FAT1: variants seen among roughly 807,000 people sequenced by gnomAD.
The protein encoded by FAT1 is FAT atypical cadherin 1.
FAT1 carries 171 observed loss-of-function variants against 329.8 expected under a neutral mutation model. The ratio of observed to expected loss-of-function variants is 0.52; its 90% CI spans 0.46 to 0.59. The LOEUF is 0.59. Ranked by LOEUF, FAT1 falls within the 20% of genes least tolerant of loss-of-function variation. The pLI, the probability that FAT1 is intolerant of heterozygous loss-of-function variation, is 0.00. For synonymous variants in FAT1, 2,233 were observed against 2,228.6 expected (o/e 1.00, Z -0.06); for missense variants, 5,672 against 5,774.4 (o/e 0.98, Z 0.57).
At chr4:186,689,860 T>C (rs886144400) in intron 2 of FAT1, among the ~76,000 whole-genome samples, 1 of 152,164 alleles carries the variant, frequency 6.6e-6, no homozygotes, top group African/African-American at 2.4e-5. Context: ...GATCTCTTAA[T>C]ATCCAGAGGA....
At position 186,706,672 on chromosome 4, in the gene FAT1, C is replaced by A. The variant is rs1028501003; in HGVS notation, c.3156G>T (p.Leu1052Phe). Residue 1052 changes from leucine to phenylalanine, a missense_variant, in exon 2 of 27, where the codon TTG becomes TTT. By Grantham distance (22) the Leu-to-Phe change is conservative. Around this residue, in one of 2 missense-constraint regions of FAT1, gnomAD observed 3,966 missense variants for 3,915.2 expected, o/e 1.01. Coordinates refer to ENST00000441802, the MANE Select transcript of FAT1 (RefSeq NM_005245.4). ...CATCATGAGCCGACACCGTCATTAC[C>A]AATGAACCAACAGGTGCATCTTCTT... ...TVKEDAPVGSLVMTVSAHDED... is the reference protein window; with the variant it reads ...TVKEDAPVGSFVMTVSAHDED... 1.2e-6 allele frequency: 2 copies of A among 1,614,002 alleles called. No individual in the cohort carries two copies. The highest frequency in any genetic ancestry group is 1.7e-5 in the Admixed American group (1 of 60,022).
chr4:186,599,550 A>T (rs1738694585), intron 22 of FAT1, among the ~76,000 whole-genome samples: 2 of 152,298 alleles, frequency 1.3e-5, no homozygotes, highest in South Asian at 4.1e-4. Context: ...AAGGTGATAC[A>T]AATAACAAAG....
intron 2 of FAT1, among the ~76,000 whole-genome samples, chr4:186,702,034 G>A (rs749859223): frequency 1.3e-5 from 2 of 150,706 alleles, no homozygotes; most frequent in East Asian, 2.0e-4. Context: ...GCCAGGAGCC[G>A]ACCCCCACAC....
chr4:186,704,965 G>C (rs1053993785), intron 2 of FAT1, among the ~76,000 whole-genome samples: 4 of 42,796 alleles, frequency 9.3e-5, no homozygotes, highest in African/African-American at 5.2e-4. Flanking sequence ...TTTTTTTTTT[G>C]AGATAGTCTG....
chr4:186,723,746 T>A lies in FAT1; in HGVS notation c.-101A>T, dbSNP rs1331896423. On this transcript the variant is annotated 5_prime_UTR_variant, in exon 1 of 27. Transcript: ENST00000441802. ...CGCGCCCCCGAGCAGGGACCGGGCC[T>A]GCCGGGGCCCTCGCCGGGCTCGCGC... 5 of 150,710 alleles carry A rather than the reference T, an allele frequency of 3.3e-5. No individual in the cohort carries two copies. The highest frequency in any genetic ancestry group is 7.4e-5 in the Non-Finnish European group (5 of 67,666). The allele number at this position is 150,710 out of a possible 1,614,324, so 9.3% of individuals were successfully genotyped here.
At chr4:186,713,402 C>T (rs1025118004) in intron 1 of FAT1, among the ~76,000 whole-genome samples, 1 of 152,066 alleles carries the variant, frequency 6.6e-6, no homozygotes, top group African/African-American at 2.4e-5. Context: ...GAGGTAGAGT[C>T]GTTTCCACCA....
intron 25 of FAT1, 97 bp from the exon 26 acceptor site, chr4:186,595,923 T>G: frequency 8.0e-7 from 1 of 1,254,902 alleles, no homozygotes; most frequent in Non-Finnish European, 1.1e-6. Flanking sequence ...AACGATGGCC[T>G]GAGATTTACT....
chr4:186,708,928 GAGA>G lies in FAT1; in HGVS notation c.897_899del (p.Leu300del), dbSNP rs1561011063. ...AGGACCTCACTGTTCTAAACTGCTGGAGAAGGTCACCTGCCACGATGCTTAAAG... is the reference window on the plus strand; with the variant it reads ...AGGACCTCACTGTTCTAAACTGCTGGAGGTCACCTGCCACGATGCTTAAAG... On this transcript the variant is annotated inframe_deletion, in exon 2 of 27. Transcript: ENST00000441802. 6.2e-7 allele frequency: 1 copy of G among 1,613,942 alleles called. No individual in the cohort carries two copies. Among genetic ancestry groups the G allele is most frequent in the Non-Finnish European group, 8.5e-7 (1 of 1,179,882 alleles).
At chr4:186,642,645 A>AATGGGTGGCTACGTGCTGCG (rs1741157222) in intron 3 of FAT1, among the ~76,000 whole-genome samples, 1 of 147,956 alleles carries the variant, frequency 6.8e-6, no homozygotes, top group Non-Finnish European at 1.5e-5. Flanking sequence ...TAGGTGCTGC[A>AATGGGTGGCTACGTGCTGCG]ATGGGTGGCT....
At position 186,707,298 on chromosome 4, in the gene FAT1, C is replaced by A. The variant is rs745890477; in HGVS notation, c.2530G>T (p.Val844Phe). 41 of 1,613,832 alleles carry A rather than the reference C, an allele frequency of 2.5e-5. No homozygotes were observed. Among genetic ancestry groups the A allele is most frequent in the Non-Finnish European group, 3.3e-5 (39 of 1,179,896 alleles). ...DKEVHSEIIQ[V>F]EATDKDLGPN... ...CCCAGGTCTTTATCTGTGGCTTCAA[C>A]CTGGATGATTTCACTATGTACCTCC... Residue 844 changes from valine (V) to phenylalanine (F), a missense_variant, in exon 2 of 27, where the codon GTT becomes TTT. Val to Phe is a conservative substitution (Grantham distance 50). Around this residue, in one of 2 missense-constraint regions of FAT1, gnomAD observed 3,966 missense variants for 3,915.2 expected, o/e 1.01. Coordinates refer to ENST00000441802, the MANE Select transcript of FAT1 (RefSeq NM_005245.4).
intron 2 of FAT1, among the ~76,000 whole-genome samples, chr4:186,697,879 G>A (rs557548322): frequency 9.9e-5 from 15 of 152,230 alleles, no homozygotes; most frequent in Non-Finnish European, 1.9e-4. Context: ...CCAAGAAGAC[G>A]GTCAGTGCAT....
At position 186,599,886 on chromosome 4, in the gene FAT1, T is replaced by C. The variant is rs1437246487; in HGVS notation, c.12103+12A>G. 2 of 1,600,522 alleles carry C rather than the reference T, an allele frequency of 1.2e-6. No individual in the cohort carries two copies. Among genetic ancestry groups the C allele is most frequent in the South Asian group, 1.1e-5 (1 of 90,196 alleles). ...TGCAGCATTTTAAAGATGGCAACAT[T>C]ACGGAGCCCACCTCCAGCAGGTGAC... On this transcript the variant is annotated intron_variant, in intron 22 of 26. Transcript: ENST00000441802.
intron 2 of FAT1, among the ~76,000 whole-genome samples, chr4:186,691,048 T>C (rs1299355601): frequency 1.3e-5 from 2 of 152,230 alleles, no homozygotes; most frequent in Non-Finnish European, 2.9e-5. Flanking sequence ...TGACCTGTTA[T>C]ACTAATTCAT....
In FAT1 at chr4:186,628,483, C is replaced by T. The variant is rs1196267393; in HGVS notation, c.4599+5G>A. The T allele has an allele frequency of 1.9e-6, 3 of 1,613,886 alleles. No individual in the cohort carries two copies. Among genetic ancestry groups the T allele is most frequent in the Non-Finnish European group, 2.5e-6 (3 of 1,179,822 alleles). On this transcript the variant is annotated splice_donor_5th_base_variant and intron_variant, in intron 8 of 26. Coordinates refer to ENST00000441802, the MANE Select transcript of FAT1 (RefSeq NM_005245.4). ...TGGTGGGAGGAGAGCGGGTAGAGCGCCTACCATGACCGTGAGGGTGTGCTG... is the reference window on the plus strand; with the variant it reads ...TGGTGGGAGGAGAGCGGGTAGAGCGTCTACCATGACCGTGAGGGTGTGCTG...
In FAT1 at chr4:186,613,275, G is replaced by A. The variant is rs2126475756; in HGVS notation, c.9297C>T (p.Ala3099=). 1.9e-6 allele frequency: 3 copies of A among 1,613,978 alleles called. No homozygotes were observed. The highest frequency in any genetic ancestry group is 2.5e-6 in the Non-Finnish European group (3 of 1,179,876). The part of the protein sequence containing the change: ...EQAVYHLLVR[A]TDGGGRFCQA... ...GGCAGAATCTTCCTCCTCCATCTGT[G>A]GCCCTGACGAGAAGATGATAAACAG... The change falls in exon 13 of 27, where the codon GCC becomes GCT. Residue 3099 remains alanine, a synonymous_variant. Coordinates refer to ENST00000441802, the MANE Select transcript of FAT1 (RefSeq NM_005245.4).
At chr4:186,649,661 T>C (rs1203702874) in intron 3 of FAT1, among the ~76,000 whole-genome samples, 2 of 152,102 alleles carry the variant, frequency 1.3e-5, no homozygotes, top group African/African-American at 4.8e-5. Context: ...GATAGGTCCT[T>C]CCTTAGCGCT....
chr4:186,630,603 A>T (rs1291389952), intron 7 of FAT1, among the ~76,000 whole-genome samples: 1 of 152,138 alleles, frequency 6.6e-6, no homozygotes, highest in African/African-American at 2.4e-5. Flanking sequence ...GTGCAACAAG[A>T]CTATGGCTTT....
At chr4:186,725,729 T>C (rs571548234), upstream of FAT1, among the ~76,000 whole-genome samples, 65 of 152,280 alleles carry the variant, frequency 4.3e-4, no homozygotes, top group Non-Finnish European at 3.1e-4. This position sits in a 1 kb window ranked among gnomAD's most constrained non-coding sequence, Gnocchi z 5.4. Context: ...AGTTCCACAT[T>C]TGTCCTTTAA....
rs766881276 is a variant in FAT1, at chr4:186,604,444, T to G, written c.10481A>C (p.Gln3494Pro). The G allele has an allele frequency of 6.2e-7, 1 of 1,613,952 alleles. No homozygotes were observed. The highest frequency in any genetic ancestry group is 8.5e-7 in the Non-Finnish European group (1 of 1,179,866). Residue 3494 changes from glutamine to proline, a missense_variant, in exon 18 of 27, where the codon CAA becomes CCA. By Grantham distance (76) the Gln-to-Pro change is moderately conservative. Around this residue, in one of 2 missense-constraint regions of FAT1, gnomAD observed 1,706 missense variants for 1,859.1 expected, o/e 0.92. Coordinates refer to ENST00000441802, the MANE Select transcript of FAT1 (RefSeq NM_005245.4). ...GGCAGATGATGTCAGGAGGACTCCT[T>G]GCGGGTTAACTTCAAAAGCCTTCTC... ...NDEKAFEVNPQGVLLTSSAIK... is the reference protein window; with the variant it reads ...NDEKAFEVNPPGVLLTSSAIK...
Sources: allele counts gnomAD v4.1 joint callset (sites outside exome capture counted in the v4.1 genomes callset), GRCh38; gene constraint gnomAD v4.1.1; regional missense constraint gnomAD v4.1.1; non-coding constraint Gnocchi (gnomAD v3.1); transcripts MANE v1.5; gene names NCBI Gene and HGNC (gene_info 2026-07-23, HGNC 2026-07-21).